Variants in PLCL2 observed in about 807,000 individuals in gnomAD.
PLCL2 encodes the protein phospholipase C like 2.
Under a neutral mutation model 79.6 loss-of-function variants are expected in PLCL2, and 4 were observed. The ratio of observed to expected loss-of-function variants is 0.05; its 90% CI spans 0.02 to 0.11. The LOEUF is 0.11. PLCL2 is among the 10% of genes least tolerant of loss of function. The pLI, the probability that PLCL2 is intolerant of heterozygous loss-of-function variation, is 1.00. For synonymous variants in PLCL2, 484 were observed against 457.7 expected, an observed-to-expected ratio of 1.06 and a Z score of -0.73; for missense variants, 895 against 1,291.0, an observed-to-expected ratio of 0.69 and a Z score of 4.70.
intron 3 of PLCL2, among the ~76,000 whole-genome samples, chr3:17,041,629 T>C (rs1383863361): frequency 6.6e-6 from 1 of 152,170 alleles, no homozygotes; most frequent in African/African-American, 2.4e-5. Flanking sequence ...ACTATGGCAA[T>C]TAGTGATAAA....
chr3:17,089,453 C>G (rs1383954359), intron 5 of PLCL2, among the ~76,000 whole-genome samples: 2 of 151,834 alleles, frequency 1.3e-5, no homozygotes, highest in Non-Finnish European at 2.9e-5. Context: ...GTAATTTTAA[C>G]CAGGATAGAC....
intron 4 of PLCL2, among the ~76,000 whole-genome samples, chr3:17,056,892 G>A (rs1406596131): frequency 1.3e-5 from 2 of 152,138 alleles, no homozygotes; most frequent in African/African-American, 2.4e-5. Flanking sequence ...GGGCTTGAGG[G>A]AATGCAGGAT....
chr3:16,921,571 A>T (rs1697125062), intron 1 of PLCL2, among the ~76,000 whole-genome samples: 1 of 152,200 alleles, frequency 6.6e-6, no homozygotes, highest in Admixed American at 6.5e-5. Flanking sequence ...CATTCTTCAA[A>T]AGCTAGGTGA....
chr3:16,980,892 G>T (rs943866466), intron 1 of PLCL2, among the ~76,000 whole-genome samples: 1 of 152,224 alleles, frequency 6.6e-6, no homozygotes. Flanking sequence ...CCGGCACCTC[G>T]GGAGGCCGAG....
intron 1 of PLCL2, among the ~76,000 whole-genome samples, chr3:16,976,834 G>A (rs749464891): frequency 2.0e-5 from 3 of 152,146 alleles, no homozygotes; most frequent in Non-Finnish European, 4.4e-5. Context: ...ACACTAGGGT[G>A]GCATTTGGGT....
chr3:17,039,209 G>C (rs949584443), intron 3 of PLCL2, among the ~76,000 whole-genome samples: 37 of 152,232 alleles, frequency 2.4e-4, no homozygotes, highest in African/African-American at 8.7e-4. Flanking sequence ...GCCCCTGCTA[G>C]ATCAGCTGGT....
chr3:16,962,396 C>G (rs562578470), intron 1 of PLCL2, among the ~76,000 whole-genome samples: 1 of 150,744 alleles, frequency 6.6e-6, no homozygotes, highest in South Asian at 2.1e-4. Flanking sequence ...ATTCTCACTG[C>G]AATCAGGAGC....
At chr3:17,022,979 T>TC (rs2064472795) in intron 3 of PLCL2, among the ~76,000 whole-genome samples, 1 of 152,146 alleles carries the variant, frequency 6.6e-6, no homozygotes, top group African/African-American at 2.4e-5. Flanking sequence ...TTTCTCTCTT[T>TC]CCCCCTCTTC....
In PLCL2 at chr3:17,010,783, C is replaced by T. The variant is rs1379616544; in HGVS notation, c.1437C>T (p.Asp479=). Residue 479 remains aspartate, a synonymous_variant, in exon 2 of 6, where the codon GAC becomes GAT. Coordinates refer to ENST00000615277, the MANE Select transcript of PLCL2 (RefSeq NM_001144382.2). The surrounding 1 kb of genome is among the most constrained non-coding windows in gnomAD (Gnocchi z 5.8). ...SVELDVWDGP[D]NEPVIYTGHT... ...AATTAGATGTATGGGATGGGCCGGACAATGAACCTGTAATTTACACAGGCC... is the reference window on the plus strand; with the variant it reads ...AATTAGATGTATGGGATGGGCCGGATAATGAACCTGTAATTTACACAGGCC... The T allele has an allele frequency of 6.2e-7, 1 of 1,614,132 alleles. No homozygotes were observed. The highest frequency in any genetic ancestry group is 1.1e-5 in the South Asian group (1 of 91,076).
chr3:16,990,014 A>G (rs897539198), intron 1 of PLCL2, among the ~76,000 whole-genome samples: 2 of 152,232 alleles, frequency 1.3e-5, no homozygotes, highest in African/African-American at 4.8e-5. Flanking sequence ...AAGGAAGCGT[A>G]TCTGAGATTG....
At chr3:16,993,847 T>G (rs2064127259) in intron 1 of PLCL2, among the ~76,000 whole-genome samples, 1 of 152,220 alleles carries the variant, frequency 6.6e-6, no homozygotes, top group South Asian at 2.1e-4. Flanking sequence ...TTGCCTGAGC[T>G]TCTTGGTTTT....
chr3:16,891,070 C>G (rs1696336956), intron 1 of PLCL2, among the ~76,000 whole-genome samples: 1 of 152,180 alleles, frequency 6.6e-6, no homozygotes. Flanking sequence ...CTAGTAATCT[C>G]AGCTGGGCTG....
At chr3:16,901,894 G>A (rs907421955) in intron 1 of PLCL2, among the ~76,000 whole-genome samples, 1 of 152,162 alleles carries the variant, frequency 6.6e-6, no homozygotes, top group African/African-American at 2.4e-5. Context: ...CCCCGCTTGT[G>A]AAGATCATCA....
chr3:16,991,741 T>C (rs1338800703), intron 1 of PLCL2, among the ~76,000 whole-genome samples: 1 of 152,166 alleles, frequency 6.6e-6, no homozygotes, highest in Non-Finnish European at 1.5e-5. Context: ...AATTAATGCT[T>C]TCAAAGTAAT....
At chr3:16,962,721 A>G (rs558811413) in intron 1 of PLCL2, among the ~76,000 whole-genome samples, 1 of 152,308 alleles carries the variant, frequency 6.6e-6, no homozygotes, top group East Asian at 1.9e-4. Flanking sequence ...AAAAGGAATT[A>G]CTAGGGCCTT....
intron 3 of PLCL2, among the ~76,000 whole-genome samples, chr3:17,027,310 A>G (rs1185972843): frequency 1.3e-5 from 2 of 152,224 alleles, no homozygotes; most frequent in East Asian, 3.8e-4. Context: ...TGGAAAAATA[A>G]AAAATAATAT....
Position 17,090,279 on chromosome 3 carries a change from A to T in PLCL2, c.*367A>T. On this transcript the variant is annotated 3_prime_UTR_variant, in exon 6 of 6. Transcript: ENST00000615277. ...GGATTGTCAAATTATTATTTATTGG[A>T]GAAAAAAACCTGATCTACACATTTT... 1 of 962,970 alleles carries T rather than the reference A, an allele frequency of 1.0e-6. No individual in the cohort carries two copies. Among genetic ancestry groups the T allele is most frequent in the Non-Finnish European group, 1.2e-6 (1 of 816,862 alleles). The allele number at this position is 962,970 out of a possible 1,614,324, so 59.7% of individuals were successfully genotyped here.
chr3:17,013,724 C>T (rs529682598), intron 2 of PLCL2, among the ~76,000 whole-genome samples: 2 of 152,344 alleles, frequency 1.3e-5, no homozygotes, highest in Admixed American at 6.5e-5. Flanking sequence ...CCCCTCTGCC[C>T]GCATGCCCGG....
At chr3:16,974,359 T>C (rs1273924710) in intron 1 of PLCL2, among the ~76,000 whole-genome samples, 2 of 151,882 alleles carry the variant, frequency 1.3e-5, no homozygotes, top group African/African-American at 4.8e-5. Flanking sequence ...AGACATAATG[T>C]GGTGGTGGAA....
Sources: gnomAD v4.1 joint callset for allele counts (sites outside exome capture counted in the v4.1 genomes callset) on GRCh38, gnomAD v4.1.1 for gene constraint, Gnocchi (gnomAD v3.1) non-coding constraint, MANE v1.5 for transcripts, NCBI Gene and HGNC (gene_info 2026-07-23, HGNC 2026-07-21) for gene names.